SUN3: variants seen among roughly 807,000 people sequenced by gnomAD.
SUN3 encodes Sad1 and UNC84 domain containing 3, also known as SUN domain-containing protein 3.
A neutral mutation model predicts 48.2 loss-of-function variants in SUN3; 36 were observed. The ratio of observed to expected loss-of-function variants is 0.75; its 90% CI spans 0.57 to 0.99. The LOEUF (loss-of-function observed/expected upper bound fraction) is 0.99. SUN3 is among the 50% of genes least tolerant of loss of function. SUN3 has a pLI of 0.00. For synonymous variants in SUN3, 148 were observed against 147.9 expected (o/e 1.00, Z 0.00); for missense variants, 419 against 433.1 (o/e 0.97, Z 0.29).
At chr7:48,009,260 G>A (rs564079295) in intron 3 of SUN3, among the ~76,000 whole-genome samples, 185 bp from the exon 4 acceptor site, 26 of 152,274 alleles carry the variant, frequency 1.7e-4, no homozygotes, top group African/African-American at 6.0e-4. Context: ...CATCATGAAT[G>A]TATTTGAAGG....
rs999330725 is a variant in SUN3 at position 48,012,994 on chromosome 7, T to G, written c.289-3919A>C. ...TTGGACTTCACAGCCTCCAGAACTG[T>G]GAGAAAGACATTTCTGTTCTTTATA... On this transcript the variant is annotated intron_variant, in intron 3 of 9. Transcript: ENST00000297325. 3.3e-5 allele frequency among the ~76,000 whole-genome samples: 5 copies of G among 152,324 alleles called. No homozygotes were observed. In the East Asian group the frequency reaches 7.7e-4, roughly 23 times the overall value.
intron 3 of SUN3, among the ~76,000 whole-genome samples, chr7:48,013,933 G>A (rs1433509280): frequency 6.6e-6 from 1 of 152,046 alleles, no homozygotes; most frequent in African/African-American, 2.4e-5. Flanking sequence ...TCAACCTCAT[G>A]AAAAATACTG....
intron 1 of SUN3, among the ~76,000 whole-genome samples, chr7:48,028,109 G>T (rs1790184107): frequency 6.6e-6 from 1 of 152,092 alleles, no homozygotes; most frequent in Admixed American, 6.6e-5. Flanking sequence ...ATTTTGAAAT[G>T]CTGCTCTACT....
chr7:48,010,312 G>C (rs973994574), intron 3 of SUN3, among the ~76,000 whole-genome samples: 1 of 152,138 alleles, frequency 6.6e-6, no homozygotes, highest in African/African-American at 2.4e-5. Context: ...CAACTGAGTG[G>C]ACAAGCTGGT....
chr7:48,029,466 A>G (rs1344151014), upstream of SUN3, among the ~76,000 whole-genome samples: 2 of 152,236 alleles, frequency 1.3e-5, no homozygotes, highest in Non-Finnish European at 2.9e-5. Flanking sequence ...ATCTGTATCT[A>G]TAAATAATAC....
intron 6 of SUN3, among the ~76,000 whole-genome samples, chr7:47,999,937 T>A (rs974669719): frequency 6.6e-6 from 1 of 152,238 alleles, no homozygotes; most frequent in African/African-American, 2.4e-5. Flanking sequence ...TTTATTTGAG[T>A]TAACTTTTTA....
At chr7:48,031,009 C>CTT (rs1268587208), upstream of SUN3, among the ~76,000 whole-genome samples, 37 of 152,278 alleles carry the variant, frequency 2.4e-4, no homozygotes, top group African/African-American at 8.9e-4. Context: ...AAGACTTAAA[C>CTT]ATAAGACCTC....
Position 47,994,430 on chromosome 7 carries a change from G to T in SUN3, c.746C>A (p.Thr249Asn). The T allele has an allele frequency of 1.9e-6, 3 of 1,612,314 alleles. No individual in the cohort carries two copies. Among genetic ancestry groups the T allele is most frequent in the Non-Finnish European group, 2.5e-6 (3 of 1,179,300 alleles). The change falls in exon 8 of 10, where the codon ACC becomes AAC. Residue 249 changes from threonine (T) to asparagine (N), a missense_variant. Transcript: ENST00000297325. ...CWAFPGSQGH[T>N]LIKLATKIIP... ...GATCTTTGTAGCAAGCTTGATTAGG[G>T]TATGACCCTGGGAACCTGGAAAAGC... is the stretch of plus-strand genomic sequence containing the variant.
upstream of SUN3, among the ~76,000 whole-genome samples, chr7:48,032,182 G>A (rs1004645294): frequency 6.6e-5 from 10 of 152,220 alleles, no homozygotes; most frequent in Admixed American, 3.3e-4. Context: ...TCCAGGGATC[G>A]AATGTACAGC....
At chr7:48,007,112 T>C in intron 5 of SUN3, 53 bp downstream of exon 5, 1 of 1,555,184 alleles carries the variant, frequency 6.4e-7, no homozygotes, top group Non-Finnish European at 8.7e-7. Context: ...ACCCTGGACA[T>C]CCGCGCTAAC....
intron 1 of SUN3, 150 bp downstream of exon 1, chr7:48,028,667 A>C (rs1182507167): frequency 9.9e-7 from 1 of 1,007,224 alleles, no homozygotes; most frequent in Non-Finnish European, 1.4e-6. Context: ...TGATGAAGAG[A>C]AACCTTCAAA....
At chr7:48,008,313 T>A (rs1236441785) in intron 4 of SUN3, among the ~76,000 whole-genome samples, 1 of 152,244 alleles carries the variant, frequency 6.6e-6, no homozygotes, top group African/African-American at 2.4e-5. Context: ...TAAACACTGT[T>A]AAATTTTAAT....
upstream of SUN3, among the ~76,000 whole-genome samples, chr7:48,033,924 C>T (rs969291849): frequency 7.9e-5 from 12 of 152,088 alleles, no homozygotes; most frequent in Non-Finnish European, 1.6e-4. Context: ...CGTGGTAGCA[C>T]GTGCCTGTAA....
chr7:48,025,735 A>C (rs1358779821), intron 2 of SUN3, 142 bp downstream of exon 2: 5 of 458,700 alleles, frequency 1.1e-5, no homozygotes, highest in African/African-American at 1.0e-4. Context: ...AACAAACGAA[A>C]AAGCTTTGAG....
chr7:48,034,395 T>A, the SUN3 span, among the ~76,000 whole-genome samples: 3 of 152,228 alleles, frequency 2.0e-5, no homozygotes, highest in Non-Finnish European at 4.4e-5. Flanking sequence ...AACAGACTCA[T>A]GTTCAGTTCA....
At chr7:47,989,393 T>G (rs886187159) in intron 8 of SUN3, among the ~76,000 whole-genome samples, 20 of 152,254 alleles carry the variant, frequency 1.3e-4, no homozygotes, top group African/African-American at 4.3e-4. Context: ...TCCCGTTGAC[T>G]GACAAAAACA....
chr7:48,020,927 AC>A (rs1789976075), intron 2 of SUN3, among the ~76,000 whole-genome samples: 1 of 152,178 alleles, frequency 6.6e-6, no homozygotes, highest in Non-Finnish European at 1.5e-5. Context: ...GAAAAAAACA[AC>A]CCTAAAATTT....
In SUN3 at chr7:47,988,841, C is replaced by G; in HGVS notation, c.901G>C (p.Gly301Arg). Residue 301 changes from glycine (G) to arginine (R), a missense_variant, in exon 9 of 10, where the codon GGT becomes CGT. By Grantham distance (125) the Gly-to-Arg change is moderately radical. Coordinates refer to ENST00000297325, the MANE Select transcript of SUN3 (RefSeq NM_001030019.2). ...CCTGTTTTGTTATATATAAACTGACCTAGGAAAATTTCTTCTCCTTCACAT... is the reference window on the plus strand; with the variant it reads ...CCTGTTTTGTTATATATAAACTGACGTAGGAAAATTTCTTCTCCTTCACAT... ...KKCEGEEIFL[G>R]QFIYNKTGTT... The G allele has an allele frequency of 3.7e-6, 6 of 1,605,984 alleles. No homozygotes were observed. Among genetic ancestry groups the G allele is most frequent in the Non-Finnish European group, 4.3e-6 (5 of 1,175,600 alleles).
chr7:48,028,951 A>G lies in SUN3; in HGVS notation c.-13T>C. ...TTTTTCCACTCATGATCCCCTACCA[A>G]AGAACAAACAGCTGGTAGGATGAAG... On this transcript the variant is annotated 5_prime_UTR_variant, in exon 1 of 10. Coordinates refer to ENST00000297325, the MANE Select transcript of SUN3 (RefSeq NM_001030019.2). The G allele has an allele frequency of 1.9e-6, 3 of 1,613,678 alleles. No homozygotes were observed. Among genetic ancestry groups the G allele is most frequent in the Non-Finnish European group, 2.5e-6 (3 of 1,179,718 alleles).
Sources: gnomAD v4.1 joint callset for allele counts (sites outside exome capture counted in the v4.1 genomes callset) on GRCh38, gnomAD v4.1.1 for gene constraint, MANE v1.5 for transcripts, NCBI Gene and HGNC (gene_info 2026-07-23, HGNC 2026-07-21) for gene names.